The following KCNJ6 variants were observed in gnomAD, a reference collection of about 807,000 sequenced individuals.
The protein encoded by KCNJ6 is G protein-activated inward rectifier potassium channel 2.
KCNJ6 carries 9 observed loss-of-function variants against 34.2 expected under a neutral mutation model. That is an observed-to-expected ratio of 0.26 (90% CI 0.16 to 0.46). The LOEUF (loss-of-function observed/expected upper bound fraction) is 0.46. Ranked by LOEUF, KCNJ6 falls within the 20% of genes least tolerant of loss-of-function variation. The pLI, the probability that KCNJ6 is intolerant of heterozygous loss-of-function variation, is 1.00. For synonymous variants in KCNJ6, 196 were observed against 207.1 expected, an observed-to-expected ratio of 0.95 and a Z score of 0.46; for missense variants, 236 against 531.3, an observed-to-expected ratio of 0.44 and a Z score of 5.46.
chr21:37,717,348 GA>G (rs1569451195), intron 2 of KCNJ6: 1 of 146,100 alleles, frequency 6.8e-6, no homozygotes, highest in East Asian at 3.9e-4. Flanking sequence ...GATGGAGGCA[GA>G]GGCCATGTCC....
chr21:37,702,099 G>A (rs546955115), intron 3 of KCNJ6, among the ~76,000 whole-genome samples: 1 of 152,110 alleles, frequency 6.6e-6, no homozygotes, highest in East Asian at 1.9e-4. Context: ...TGGGCGTGGT[G>A]GTGGGCGCCT....
At chr21:37,826,057 C>T (rs2123558797) in intron 2 of KCNJ6, among the ~76,000 whole-genome samples, 1 of 152,266 alleles carries the variant, frequency 6.6e-6, no homozygotes, top group African/African-American at 2.4e-5. Flanking sequence ...ACTTGCAGCA[C>T]TGTGACCCCT....
chr21:37,847,333 C>A lies in KCNJ6; in HGVS notation c.-27-6624G>T, dbSNP rs374639501. On this transcript the variant is annotated intron_variant, in intron 1 of 3. Coordinates refer to ENST00000609713, the MANE Select transcript of KCNJ6 (RefSeq NM_002240.5). ...GCACAGAGAGGTTCAGCAGATCATG[C>A]CAGATCACACGGCTGGTGAGGAGTA... 2.8e-3 allele frequency among the ~76,000 whole-genome samples: 419 copies of A among 152,208 alleles called. 2 individuals carry two copies. The highest frequency in any genetic ancestry group is 4.1e-3 in the Non-Finnish European group (276 of 68,018).
intron 2 of KCNJ6, among the ~76,000 whole-genome samples, chr21:37,812,733 C>T (rs1184303443): frequency 6.6e-6 from 1 of 151,976 alleles, no homozygotes; most frequent in African/African-American, 2.4e-5. Context: ...TGATAAAAAC[C>T]CTTAAAAACT....
At chr21:37,896,174 C>A (rs972926051) in intron 1 of KCNJ6, among the ~76,000 whole-genome samples, 1 of 152,160 alleles carries the variant, frequency 6.6e-6, no homozygotes, top group South Asian at 2.1e-4. Context: ...CTTTAAACAA[C>A]CCGATCTCGT....
chr21:37,628,114 A>G (rs529508569), intron 3 of KCNJ6, among the ~76,000 whole-genome samples: 12 of 152,352 alleles, frequency 7.9e-5, no homozygotes, highest in African/African-American at 2.6e-4. Flanking sequence ...CCTGTTTTCA[A>G]CAAAAATTTA....
At chr21:37,812,302 T>A (rs1048364067) in intron 2 of KCNJ6, among the ~76,000 whole-genome samples, 4 of 152,152 alleles carry the variant, frequency 2.6e-5, no homozygotes, top group African/African-American at 9.7e-5. Context: ...CTGAAAGTGC[T>A]GAGGAAGGCA....
intron 3 of KCNJ6, among the ~76,000 whole-genome samples, chr21:37,713,751 A>G (rs2835911): frequency 0.68 from 103,145 of 152,078 alleles, 35,480 homozygotes; most frequent in Admixed American, 0.73. Flanking sequence ...AACCAATGCT[A>G]TAGGCCTTAT....
chr21:37,678,530 G>T (rs1432194976), intron 3 of KCNJ6, among the ~76,000 whole-genome samples: 1 of 152,162 alleles, frequency 6.6e-6, no homozygotes, highest in African/African-American at 2.4e-5. Context: ...TCCATGATAG[G>T]CAGTGGTGCC....
chr21:37,829,227 G>T lies in KCNJ6; in HGVS notation c.25+11431C>A, dbSNP rs532421674. Among the ~76,000 whole-genome samples, 3 of 151,896 alleles carry T rather than the reference G, an allele frequency of 2.0e-5. No individual in the cohort carries two copies. The South Asian group carries it at 6.2e-4, about 32-fold the overall frequency. ...GGAGCCAGGTGGCAGATTGTGGGAG[G>T]AGGGCGGGAGGGACAGTGAGACACA... is the stretch of plus-strand genomic sequence containing the variant. On this transcript the variant is annotated intron_variant, in intron 2 of 3. Coordinates refer to ENST00000609713, the MANE Select transcript of KCNJ6 (RefSeq NM_002240.5).
chr21:37,735,410 C>G (rs892649613), intron 2 of KCNJ6, among the ~76,000 whole-genome samples: 5 of 152,172 alleles, frequency 3.3e-5, no homozygotes, highest in African/African-American at 1.2e-4. Flanking sequence ...ATTCCATATT[C>G]GAGTGCGGTG....
rs59026391 is a variant in KCNJ6 at position 37,661,614 on chromosome 21, G to GT, written c.947-36131dup. 1.9e-3 allele frequency among the ~76,000 whole-genome samples: 132 copies of GT among 71,186 alleles called. 15 individuals are homozygous for GT. Among genetic ancestry groups the GT allele is most frequent in the African/African-American group, 3.6e-3 (67 of 18,700 alleles). The allele number at this position is 71,186 out of a possible 152,430, so 46.7% of individuals were successfully genotyped here. On this transcript the variant is annotated intron_variant, in intron 3 of 3. Transcript: ENST00000609713. The stretch of plus-strand genomic sequence containing the variant: ...TCCACCCATTTCCTTAAGAGACATA[G>GT]TTTTTTTTTTTTTTTTTTTTTTTTT...
intron 2 of KCNJ6, among the ~76,000 whole-genome samples, chr21:37,728,575 A>G (rs768297751): frequency 1.3e-5 from 2 of 152,192 alleles, no homozygotes; most frequent in Non-Finnish European, 2.9e-5. Context: ...AAGAGCTACG[A>G]TGCTATAGCT....
intron 2 of KCNJ6, among the ~76,000 whole-genome samples, chr21:37,722,558 A>G (rs886410523): frequency 2.0e-5 from 3 of 152,262 alleles, no homozygotes; most frequent in African/African-American, 7.2e-5. Context: ...TACAGTAACC[A>G]AAACAGCACG....
intron 2 of KCNJ6, among the ~76,000 whole-genome samples, chr21:37,727,667 T>C (rs1474470121): frequency 6.6e-6 from 1 of 152,174 alleles, no homozygotes; most frequent in Non-Finnish European, 1.5e-5. Flanking sequence ...AAAATGCTGC[T>C]GAGACCTCTG....
chr21:37,814,678 C>G (rs2055337687), intron 2 of KCNJ6, among the ~76,000 whole-genome samples: 1 of 152,126 alleles, frequency 6.6e-6, no homozygotes, highest in Non-Finnish European at 1.5e-5. Flanking sequence ...GCGGGTGGAT[C>G]ACAAAGTCAA....
At chr21:37,902,620 G>A (rs2055822216) in intron 1 of KCNJ6, among the ~76,000 whole-genome samples, 1 of 152,050 alleles carries the variant, frequency 6.6e-6, no homozygotes, top group South Asian at 2.1e-4. Flanking sequence ...AAAACATAGG[G>A]GATACAATAA....
chr21:37,879,756 T>TGTGA (rs2055697671), intron 1 of KCNJ6, among the ~76,000 whole-genome samples: 2 of 118,940 alleles, frequency 1.7e-5, no homozygotes, highest in Non-Finnish European at 3.6e-5. Context: ...TGTGTGTGTG[T>TGTGA]GACAGAGAGA....
intron 2 of KCNJ6, among the ~76,000 whole-genome samples, chr21:37,759,893 G>A (rs577047555): frequency 9.8e-5 from 15 of 152,306 alleles, no homozygotes; most frequent in African/African-American, 2.2e-4. Context: ...GCTGGGTCAC[G>A]AAAGGACAGC....
Sources: gnomAD v4.1 joint callset for allele counts (sites outside exome capture counted in the v4.1 genomes callset) on GRCh38, gnomAD v4.1.1 for gene constraint, MANE v1.5 for transcripts, NCBI Gene and HGNC (gene_info 2026-07-23, HGNC 2026-07-21) for gene names.